LTBP2: variants seen among roughly 807,000 people sequenced by gnomAD.
The protein encoded by LTBP2 is latent transforming growth factor beta binding protein 2.
A neutral mutation model predicts 210.6 loss-of-function variants in LTBP2; 103 were observed. The ratio of observed to expected loss-of-function variants is 0.49; its 90% CI spans 0.42 to 0.58. The LOEUF (loss-of-function observed/expected upper bound fraction) is 0.58, where lower values mean the gene tolerates loss of function less well. Ranked by LOEUF, LTBP2 falls within the 20% of genes least tolerant of loss-of-function variation. The pLI, the probability that LTBP2 is intolerant of heterozygous loss-of-function variation, is 0.00. For missense variants in LTBP2, 2,313 were observed against 2,494.5 expected, an observed-to-expected ratio of 0.93 and a Z score of 1.55; for synonymous variants, 1,007 against 1,015.0, an observed-to-expected ratio of 0.99 and a Z score of 0.15.
rs560104619 is a variant in LTBP2 at position 74,580,982 on chromosome 14, C to A, written c.830+4872G>T. On this transcript the variant is annotated intron_variant, in intron 3 of 35. Transcript: ENST00000261978. The stretch of plus-strand genomic sequence containing the variant: ...AAAAATAATAATAATAATTCCAGGG[C>A]TCCAGGGAGGGGGATAGCAAGTGCC... Among the ~76,000 whole-genome samples the A allele has an allele frequency of 4.6e-5, 7 of 152,224 alleles. No individual in the cohort carries two copies. The South Asian group carries it at 1.4e-3, about 32-fold the overall frequency.
Position 74,586,253 on chromosome 14 carries a change from T to C in LTBP2, c.566-135A>G. On this transcript the variant is annotated intron_variant, in intron 2 of 35. Transcript: ENST00000261978. This position sits in a 1 kb window ranked among gnomAD's most constrained non-coding sequence, Gnocchi z 4.6. ...CAAGCAGGAAGCCACTCTCCTGGCC[T>C]CAGGGGGCTCCCTGACCCATGTCTC... The C allele has an allele frequency of 2.0e-6, 2 of 976,196 alleles. No homozygotes were observed. The highest frequency in any genetic ancestry group is 2.4e-5 in the Admixed American group (1 of 42,306). The allele number at this position is 976,196 out of a possible 1,614,324, so 60.5% of individuals were successfully genotyped here.
chr14:74,555,782 G>T, intron 3 of LTBP2, 89 bp from the exon 4 acceptor site: 3 of 1,028,364 alleles, frequency 2.9e-6, no homozygotes, highest in South Asian at 2.4e-5. Context: ...CTCTGCCTTT[G>T]CACAAGAAAA....
chr14:74,510,328 G>A (rs896008892), intron 19 of LTBP2, 115 bp from the exon 20 acceptor site: 35 of 1,481,218 alleles, frequency 2.4e-5, no homozygotes, highest in South Asian at 7.0e-5. Flanking sequence ...CAGAGGGGCC[G>A]CAGGCCACCT....
At chr14:74,610,161 C>T (rs2088585096) in intron 1 of LTBP2, among the ~76,000 whole-genome samples, 1 of 152,200 alleles carries the variant, frequency 6.6e-6, no homozygotes, top group South Asian at 2.1e-4. Context: ...TTGCATAGAG[C>T]TTGCATTAGT....
chr14:74,556,890 A>T (rs1359730375), intron 3 of LTBP2, among the ~76,000 whole-genome samples: 1 of 152,252 alleles, frequency 6.6e-6, no homozygotes. Context: ...CCTTTAGTAC[A>T]GGGAGATTTG....
intron 3 of LTBP2, among the ~76,000 whole-genome samples, chr14:74,579,447 A>G (rs1322600030): frequency 6.6e-6 from 1 of 152,216 alleles, no homozygotes; most frequent in East Asian, 1.9e-4. Flanking sequence ...CTCTCAGTGC[A>G]GTAGGTTAAA....
chr14:74,526,276 C>T (rs2087273177), intron 13 of LTBP2, among the ~76,000 whole-genome samples, 162 bp from the exon 14 acceptor site: 1 of 152,262 alleles, frequency 6.6e-6, no homozygotes. Flanking sequence ...GCTGGGCATT[C>T]TGCCAGGCAC....
chr14:74,565,691 C>T (rs961106197), intron 3 of LTBP2, among the ~76,000 whole-genome samples: 1 of 152,056 alleles, frequency 6.6e-6, no homozygotes, highest in African/African-American at 2.4e-5. Context: ...GCTGTAGACA[C>T]AGTTGGGGCT....
intron 35 of LTBP2, 73 bp downstream of exon 35, chr14:74,501,368 C>T (rs2086908077): frequency 1.1e-5 from 18 of 1,608,902 alleles, no homozygotes; most frequent in Non-Finnish European, 1.4e-5. Flanking sequence ...GTGGCTCTTC[C>T]AGCCTTCCTG....
intron 3 of LTBP2, among the ~76,000 whole-genome samples, chr14:74,582,187 A>G (rs1437223825): frequency 6.6e-6 from 1 of 151,742 alleles, no homozygotes; most frequent in Non-Finnish European, 1.5e-5. Context: ...GGTCTAGAGC[A>G]AACCCAGTGG....
intron 2 of LTBP2, among the ~76,000 whole-genome samples, chr14:74,602,896 G>A (rs2088467968): frequency 6.6e-6 from 1 of 152,242 alleles, no homozygotes; most frequent in Non-Finnish European, 1.5e-5. Flanking sequence ...ATTGGGCCAG[G>A]GGCCAGGGCA....
intron 8 of LTBP2, among the ~76,000 whole-genome samples, chr14:74,542,728 C>T (rs980413968): frequency 4.6e-5 from 7 of 151,576 alleles, no homozygotes; most frequent in Admixed American, 4.6e-4. Context: ...ACTCTGACTA[C>T]CTGTGTGACC....
At chr14:74,606,735 C>T (rs2088531691) in intron 1 of LTBP2, among the ~76,000 whole-genome samples, 1 of 152,026 alleles carries the variant, frequency 6.6e-6, no homozygotes. Context: ...GCTACTCACT[C>T]GGGAGGTTGA....
chr14:74,525,224 C>A lies in LTBP2; in HGVS notation c.2430G>T (p.Gly810=). 1.5e-6 allele frequency: 2 copies of A among 1,323,054 alleles called. No individual in the cohort carries two copies. Among genetic ancestry groups the A allele is most frequent in the Non-Finnish European group, 9.7e-7 (1 of 1,026,104 alleles). 82.0% of individuals were successfully genotyped at this position (1,323,054 alleles called of 1,614,324 possible). A position where few individuals can be genotyped will look rare whatever the true frequency, so the allele number is the denominator to read the frequency against. ...SVTHAPAWVT[G]NATTPPMPEQ... ...CAGGCATTGGTGGGGTTGTGGCATT[C>A]CCTGTGGAGGAGAGAGGGGAAGAGG... The change falls in exon 15 of 36, where the codon GGG becomes GGT. Residue 810 remains glycine (G), a splice_region_variant and synonymous_variant. Coordinates refer to ENST00000261978, the MANE Select transcript of LTBP2 (RefSeq NM_000428.3).
At position 74,564,061 on chromosome 14, in the gene LTBP2, T is replaced by TTA. The variant is rs1222689618; in HGVS notation, c.831-8370_831-8369dup. 1.4e-4 allele frequency among the ~76,000 whole-genome samples: 4 copies of TTA among 28,156 alleles called. 1 individual carries two copies. Among genetic ancestry groups the TTA allele is most frequent in the Non-Finnish European group, 1.8e-4 (3 of 16,354 alleles). The allele number at this position is 28,156 out of a possible 152,430, so 18.5% of individuals were successfully genotyped here. On this transcript the variant is annotated intron_variant, in intron 3 of 35. Transcript: ENST00000261978. Reference sequence around the variant, plus strand: ...TATATATATATATTTATATATATATTTATATATATATATTTATATATATAT... The same window carrying TTA: ...TATATATATATATTTATATATATATTTATATATATATATATTTATATATATAT...
intron 10 of LTBP2, among the ~76,000 whole-genome samples, chr14:74,531,995 G>A (rs947675423): frequency 6.6e-6 from 1 of 152,176 alleles, no homozygotes; most frequent in African/African-American, 2.4e-5. Context: ...CCCTCGGGTC[G>A]GGCAGCAGCT....
chr14:74,593,962 C>T (rs796988754), intron 2 of LTBP2, among the ~76,000 whole-genome samples: 6 of 152,258 alleles, frequency 3.9e-5, no homozygotes, highest in South Asian at 2.1e-4. Context: ...TGGTACCTGG[C>T]GCACAGTAAG....
chr14:74,531,018 ACT>A (rs2087343425), intron 10 of LTBP2, among the ~76,000 whole-genome samples: 1 of 152,150 alleles, frequency 6.6e-6, no homozygotes, highest in Non-Finnish European at 1.5e-5. Context: ...CCAGGTGCAA[ACT>A]CTGCTTCTAG....
At chr14:74,576,119 G>A (rs73297955) in intron 3 of LTBP2, among the ~76,000 whole-genome samples, 4,196 of 152,260 alleles carry the variant, frequency 0.028, 195 homozygotes, top group African/African-American at 0.093. Flanking sequence ...CCTGGCTTCC[G>A]ACTCCCAGGG....
Sources: gnomAD v4.1 joint callset for allele counts (sites outside exome capture counted in the v4.1 genomes callset) on GRCh38, gnomAD v4.1.1 for gene constraint, Gnocchi (gnomAD v3.1) non-coding constraint, MANE v1.5 for transcripts, NCBI Gene and HGNC (gene_info 2026-07-23, HGNC 2026-07-21) for gene names.